MYH11: variants seen among roughly 807,000 people sequenced by gnomAD.
The protein encoded by MYH11 is myosin heavy chain 11.
A neutral mutation model predicts 246.6 loss-of-function variants in MYH11; 80 were observed. The ratio of observed to expected loss-of-function variants is 0.32; its 90% CI spans 0.27 to 0.39. The LOEUF is 0.39. Ranked by LOEUF, MYH11 falls within the 10% of genes least tolerant of loss-of-function variation. The pLI, the probability that MYH11 is intolerant of heterozygous loss-of-function variation, is 1.00. For missense variants in MYH11, 2,158 were observed against 2,546.8 expected, an observed-to-expected ratio of 0.85 and a Z score of 3.29; for synonymous variants, 1,071 against 1,015.5, an observed-to-expected ratio of 1.05 and a Z score of -1.04.
At chr16:15,823,544 T>A in intron 2 of MYH11, 133 bp from the exon 3 acceptor site, 1 of 1,134,534 alleles carries the variant, frequency 8.8e-7, no homozygotes, top group Non-Finnish European at 1.3e-6. Flanking sequence ...TGGGCCTCAC[T>A]GATATTCCAG....
In MYH11 at chr16:15,724,210, TG is replaced by T; in HGVS notation, c.4315del (p.Gln1439SerfsTer19). On this transcript the variant is annotated frameshift_variant, in exon 31 of 41. Transcript: ENST00000300036. LOFTEE classifies it high-confidence loss of function. The stretch of plus-strand genomic sequence containing the variant: ...TTCCAGGTTGGACACGAGTTGCCGC[TG>T]GTTGTCCAAATCAACAACCAGGTCG... ...LDDLVVDLDNQRQLVSNLEKK... is the reference protein window; with the variant it reads ...LDDLVVDLDNXRQLVSNLEKK... The T allele has an allele frequency of 6.2e-7, 1 of 1,614,148 alleles. No homozygotes were observed. The highest frequency in any genetic ancestry group is 8.5e-7 in the Non-Finnish European group (1 of 1,180,030).
chr16:15,837,538 C>CT (rs11371178), intron 2 of MYH11, among the ~76,000 whole-genome samples: 56,769 of 136,872 alleles, frequency 0.41, 12,959 homozygotes, highest in African/African-American at 0.6. Flanking sequence ...CTCCCATTTC[C>CT]TTTTTTTTTT....
intron 40 of MYH11, among the ~76,000 whole-genome samples, chr16:15,709,581 C>T (rs2151175984): frequency 6.6e-6 from 1 of 152,298 alleles, no homozygotes; most frequent in East Asian, 1.9e-4. Context: ...TCCCAAAGAG[C>T]TGGGATTACA....
chr16:15,792,737 A>G (rs556804093), intron 4 of MYH11: 46 of 152,152 alleles, frequency 3.0e-4, no homozygotes, highest in African/African-American at 8.9e-4. Context: ...TTATTGTTAT[A>G]TATATTTTTT....
At chr16:15,802,312 G>C (rs2042907136) in intron 3 of MYH11, among the ~76,000 whole-genome samples, 1 of 152,184 alleles carries the variant, frequency 6.6e-6, no homozygotes, top group Non-Finnish European at 1.5e-5. Context: ...TCCTGGGGTG[G>C]GCACTGGCAT....
chr16:15,854,503 A>G (rs2044411071), intron 1 of MYH11, among the ~76,000 whole-genome samples: 1 of 152,220 alleles, frequency 6.6e-6, no homozygotes, highest in Admixed American at 6.5e-5. Context: ...AGCCAGTTAG[A>G]ATAACAGTAT....
chr16:15,734,052 G>C (rs2041044883), intron 26 of MYH11, among the ~76,000 whole-genome samples: 1 of 152,214 alleles, frequency 6.6e-6, no homozygotes, highest in Non-Finnish European at 1.5e-5. Context: ...TTTACTGAAT[G>C]AATCAATGAC....
intron 10 of MYH11, among the ~76,000 whole-genome samples, chr16:15,761,903 T>C (rs2041875447): frequency 6.6e-6 from 1 of 152,220 alleles, no homozygotes; most frequent in Admixed American, 6.5e-5. Context: ...CCACCTTGCT[T>C]CTAACCTCCA....
chr16:15,842,245 G>A (rs991924503), intron 1 of MYH11, among the ~76,000 whole-genome samples: 1 of 152,096 alleles, frequency 6.6e-6, no homozygotes, highest in African/African-American at 2.4e-5. Context: ...AAGTTGCTGG[G>A]CGTGGTAGCA....
chr16:15,735,261 T>G (rs2041081739), intron 26 of MYH11, 105 bp downstream of exon 26: 15 of 1,262,008 alleles, frequency 1.2e-5, no homozygotes, highest in Non-Finnish European at 1.7e-5. Flanking sequence ...GGAAGGTAAA[T>G]GCACAGGGGC....
intron 8 of MYH11, among the ~76,000 whole-genome samples, chr16:15,772,566 C>T (rs931449471): frequency 1.3e-5 from 2 of 152,154 alleles, no homozygotes; most frequent in Non-Finnish European, 2.9e-5. Flanking sequence ...TTTTATCTGG[C>T]AGTTACCACT....
chr16:15,715,924 G>C lies in MYH11; in HGVS notation c.5505-652C>G, dbSNP rs145436705. 6.9e-3 allele frequency among the ~76,000 whole-genome samples: 1,043 copies of C among 152,200 alleles called. 12 individuals are homozygous for C. The highest frequency in any genetic ancestry group is 0.024 in the African/African-American group (1,015 of 41,516). ...GCAGATCACCTGTGGTCAGGAGTTC[G>C]AGACCAGCCTGGCCAACATGGTGAA... On this transcript the variant is annotated intron_variant, in intron 38 of 40. Coordinates refer to ENST00000300036, the MANE Select transcript of MYH11 (RefSeq NM_002474.3).
rs955609431 is a variant in MYH11 at position 15,786,415 on chromosome 16, C to T, written c.633+215G>A. ...CTTATTCTCATTTCACAAAACGGGC[C>T]CCCTTCTGGAGGGATGCTTCTAGCT... On this transcript the variant is annotated intron_variant, in intron 5 of 40. Coordinates refer to ENST00000300036, the MANE Select transcript of MYH11 (RefSeq NM_002474.3). 1.6e-5 allele frequency: 12 copies of T among 754,674 alleles called. 1 individual carries two copies. The highest frequency in any genetic ancestry group is 1.5e-4 in the African/African-American group (9 of 58,710). The allele number at this position is 754,674 out of a possible 1,614,324, so 46.7% of individuals were successfully genotyped here.
At chr16:15,786,998 G>A (rs991221067) in intron 4 of MYH11, among the ~76,000 whole-genome samples, 1 of 152,220 alleles carries the variant, frequency 6.6e-6, no homozygotes, top group Non-Finnish European at 1.5e-5. Flanking sequence ...TGGGCCGGAT[G>A]TGGTGGCTCA....
rs111888764 is a variant in MYH11, at chr16:15,777,104, T to TACACACAC, written c.791-936_791-929dup. ...GTACATGGGTATACACACGCACACA[T>TACACACAC]ACACACACACACACACACACACACG... On this transcript the variant is annotated intron_variant, in intron 7 of 40. Transcript: ENST00000300036. Among the ~76,000 whole-genome samples the TACACACAC allele has an allele frequency of 4.2e-3, 623 of 147,978 alleles. 3 individuals are homozygous for TACACACAC. The highest frequency in any genetic ancestry group is 0.013 in the African/African-American group (517 of 40,290).
Position 15,719,613 on chromosome 16 carries a change from A to G in MYH11, c.5054T>C (p.Leu1685Ser). ...TTGTAGCTGCATGAGGTCTGCTTCC[A>G]AGCTCTTGGCTTTCTTCTCATTCTC... Reference protein sequence around the residue: ...AKENEKKAKSLEADLMQLQED... With the variant: ...AKENEKKAKSSEADLMQLQED... The change falls in exon 35 of 41, where the codon TTG becomes TCG. Residue 1685 changes from leucine to serine, a missense_variant. Leu to Ser is a moderately radical substitution (Grantham distance 145). Transcript: ENST00000300036. 1 of 1,614,184 alleles carries G rather than the reference A, an allele frequency of 6.2e-7. No homozygotes were observed. Among genetic ancestry groups the G allele is most frequent in the South Asian group, 1.1e-5 (1 of 91,084 alleles).
At chr16:15,718,118 G>GA in intron 37 of MYH11, 197 bp downstream of exon 37, 1 of 806,942 alleles carries the variant, frequency 1.2e-6, no homozygotes, top group Non-Finnish European at 2.0e-6. Context: ...CTGCAGCGTG[G>GA]AGAGGAGTAT....
chr16:15,741,654 T>C lies in MYH11; in HGVS notation c.2668A>G (p.Asn890Asp). 6.2e-7 allele frequency: 1 copy of C among 1,613,728 alleles called. No individual in the cohort carries two copies. Among genetic ancestry groups the C allele is most frequent in the Non-Finnish European group, 8.5e-7 (1 of 1,180,030 alleles). ...QKHSQLTEEK[N>D]LLQEQLQAET... The stretch of plus-strand genomic sequence containing the variant: ...GCCTGCAGCTGTTCCTGTAGCAGGT[T>C]CTTCTCCTCGGTCAGCTGCACGCAG... The change falls in exon 22 of 41, where the codon AAC becomes GAC. Residue 890 changes from asparagine (N) to aspartate (D), a missense_variant. Transcript: ENST00000300036.
chr16:15,819,567 C>A (rs1192159336), intron 3 of MYH11, among the ~76,000 whole-genome samples: 1 of 152,138 alleles, frequency 6.6e-6, no homozygotes, highest in Admixed American at 6.5e-5. Flanking sequence ...AATCTAATGC[C>A]TGATGATCTG....
Sources: gnomAD v4.1 joint callset for allele counts (sites outside exome capture counted in the v4.1 genomes callset) on GRCh38, gnomAD v4.1.1 for gene constraint, MANE v1.5 for transcripts, NCBI Gene and HGNC (gene_info 2026-07-23, HGNC 2026-07-21) for gene names.